Variants in BICD1 observed in about 807,000 individuals in gnomAD.
The protein encoded by BICD1 is BICD cargo adaptor 1.
A neutral mutation model predicts 92.5 loss-of-function variants in BICD1; 35 were observed. That is an observed-to-expected ratio of 0.38 (90% confidence interval 0.29 to 0.50). The LOEUF (loss-of-function observed/expected upper bound fraction) is 0.50, where lower values mean the gene tolerates loss of function less well. Ranked by LOEUF, BICD1 falls within the 20% of genes least tolerant of loss-of-function variation. The pLI, the probability that BICD1 is intolerant of heterozygous loss-of-function variation, is 0.93. For synonymous variants in BICD1, 429 were observed against 465.1 expected (o/e 0.92, Z 1.00); for missense variants, 950 against 1,189.8 (o/e 0.80, Z 2.97).
At chr12:32,164,098 G>C (rs1185572362) in intron 1 of BICD1, among the ~76,000 whole-genome samples, 1 of 152,000 alleles carries the variant, frequency 6.6e-6, no homozygotes, top group Non-Finnish European at 1.5e-5. Flanking sequence ...TCTTCTCTTA[G>C]TGAAACGAAC....
intron 3 of BICD1, among the ~76,000 whole-genome samples, chr12:32,299,196 A>G (rs1947965248): frequency 6.6e-6 from 1 of 152,232 alleles, no homozygotes; most frequent in African/African-American, 2.4e-5. Context: ...AAGTTATTAA[A>G]CTATGAAGTT....
chr12:32,305,180 A>G (rs1321008495), intron 3 of BICD1, among the ~76,000 whole-genome samples: 1 of 152,204 alleles, frequency 6.6e-6, no homozygotes, highest in Non-Finnish European at 1.5e-5. Context: ...TACTGAGATT[A>G]TGTTATTATA....
chr12:32,375,833 T>C (rs1350315655), intron 9 of BICD1, among the ~76,000 whole-genome samples: 1 of 152,180 alleles, frequency 6.6e-6, no homozygotes, highest in Non-Finnish European at 1.5e-5. Context: ...TATTTAATAC[T>C]AATTTTAATG....
chr12:32,199,604 T>A (rs1944844942), intron 1 of BICD1, among the ~76,000 whole-genome samples: 1 of 152,240 alleles, frequency 6.6e-6, no homozygotes. Flanking sequence ...GCTATATGTC[T>A]ACGTGTAAGT....
chr12:32,136,950 A>G (rs779886256), intron 1 of BICD1, among the ~76,000 whole-genome samples: 1 of 152,184 alleles, frequency 6.6e-6, no homozygotes, highest in Non-Finnish European at 1.5e-5. Context: ...TTTATTTAGG[A>G]GCTATATTAT....
rs547738561 is a variant in BICD1, at chr12:32,151,500, C to T, written c.213+43956C>T. On this transcript the variant is annotated intron_variant, in intron 1 of 9. Coordinates refer to ENST00000652176, the MANE Select transcript of BICD1 (RefSeq NM_001714.4). ...AGACATGCACGTGCCAACCCAAGTA[C>T]AATAAATGGCACACTGTTTATTGCA... Among the ~76,000 whole-genome samples the T allele has an allele frequency of 4.6e-5, 7 of 152,298 alleles. No homozygotes were observed. The East Asian group carries it at 1.4e-3, about 29-fold the overall frequency.
Position 32,210,172 on chromosome 12 carries a change from G to A in BICD1, c.214-6075G>A, listed in dbSNP as rs185187123. 3.8e-4 allele frequency among the ~76,000 whole-genome samples: 58 copies of A among 151,870 alleles called. No homozygotes were observed. The East Asian group carries it at 9.7e-3, about 25-fold the overall frequency. ...CATAGCTGAATCCTCAGTGCCTAAA[G>A]CAGTGCCTGACATAGTACAGTGCTT... On this transcript the variant is annotated intron_variant, in intron 1 of 9. Transcript: ENST00000652176.
intron 1 of BICD1, among the ~76,000 whole-genome samples, chr12:32,186,441 T>C (rs1032945158): frequency 4.6e-5 from 7 of 152,220 alleles, no homozygotes; most frequent in Non-Finnish European, 8.8e-5. Context: ...GGAAGCTTTT[T>C]GCTACGTGAT....
intron 8 of BICD1, among the ~76,000 whole-genome samples, chr12:32,364,408 C>T (rs1939450260): frequency 6.6e-6 from 1 of 152,132 alleles, no homozygotes; most frequent in Non-Finnish European, 1.5e-5. Flanking sequence ...CCTCAGCCTC[C>T]CAACCTACCT....
chr12:32,366,164 A>C (rs1037680078), intron 8 of BICD1, among the ~76,000 whole-genome samples: 1 of 152,234 alleles, frequency 6.6e-6, no homozygotes, highest in Admixed American at 6.5e-5. Flanking sequence ...AGTTTTTTCG[A>C]ATTTTAAATT....
chr12:32,312,611 A>C (rs1019796843), intron 4 of BICD1, among the ~76,000 whole-genome samples: 1 of 152,218 alleles, frequency 6.6e-6, no homozygotes, highest in African/African-American at 2.4e-5. Context: ...CTCAGAATAA[A>C]TTAGAGTGAA....
At chr12:32,293,959 G>C (rs746945289) in intron 2 of BICD1, 35 bp from the exon 3 acceptor site, 1 of 1,585,256 alleles carries the variant, frequency 6.3e-7, no homozygotes, top group South Asian at 1.2e-5. Flanking sequence ...TACAATAAGA[G>C]AGTTATATAT....
At chr12:32,261,156 C>A (rs922040097) in intron 2 of BICD1, among the ~76,000 whole-genome samples, 4 of 152,136 alleles carry the variant, frequency 2.6e-5, no homozygotes, top group Non-Finnish European at 4.4e-5. Flanking sequence ...AGGATTGATT[C>A]CTCCATCTCA....
intron 1 of BICD1, among the ~76,000 whole-genome samples, chr12:32,127,176 C>T (rs1162790758): frequency 1.4e-4 from 21 of 152,050 alleles, no homozygotes; most frequent in Admixed American, 1.4e-3. Context: ...TGATTTATCA[C>T]TCTTTTGTGT....
intron 3 of BICD1, 25 bp downstream of exon 3, chr12:32,294,171 A>T: frequency 1.3e-6 from 2 of 1,574,314 alleles, no homozygotes; most frequent in Non-Finnish European, 1.7e-6. Flanking sequence ...ATTTTTTGTT[A>T]TACTGAAGAT....
At chr12:32,345,276 GAAAAA>G (rs1219058654) in intron 8 of BICD1, among the ~76,000 whole-genome samples, 1 of 83,240 alleles carries the variant, frequency 1.2e-5, no homozygotes. Context: ...CCCTGTCTCA[GAAAAA>G]AAAAAAAAAA....
At chr12:32,350,645 AT>A (rs1938826411) in intron 8 of BICD1, among the ~76,000 whole-genome samples, 1 of 152,138 alleles carries the variant, frequency 6.6e-6, no homozygotes, top group African/African-American at 2.4e-5. Context: ...ACCCTCAGGG[AT>A]TCCTCTTGCA....
At chr12:32,254,373 A>G (rs938544340) in intron 2 of BICD1, among the ~76,000 whole-genome samples, 8 of 152,178 alleles carry the variant, frequency 5.3e-5, no homozygotes, top group Non-Finnish European at 1.0e-4. Context: ...ATTCACTGCC[A>G]TACCCCACCT....
intron 2 of BICD1, among the ~76,000 whole-genome samples, chr12:32,230,423 TAAATAAATAAATAAATAAATAAGCAAGC>T (rs1565603894): frequency 6.4e-5 from 6 of 93,570 alleles, no homozygotes; most frequent in Non-Finnish European, 8.7e-5. Flanking sequence ...AATAAATAAA[TAAATAAATAAATAAATAAATAAGCAAGC>T]AAATAAATAA....
Sources: gnomAD v4.1 joint callset for allele counts (sites outside exome capture counted in the v4.1 genomes callset) on GRCh38, gnomAD v4.1.1 for gene constraint, MANE v1.5 for transcripts, NCBI Gene and HGNC (gene_info 2026-07-23, HGNC 2026-07-21) for gene names.